Variants in UBE2E2 observed in about 807,000 individuals in gnomAD.
The protein encoded by UBE2E2 is ubiquitin-conjugating enzyme E2 E2.
In UBE2E2, 6 loss-of-function variants were observed where a neutral mutation model predicts 24.7. The observed-to-expected ratio is 0.24, with a 90% CI of 0.13 to 0.48. The LOEUF (loss-of-function observed/expected upper bound fraction) is 0.48, where lower values mean the gene tolerates loss of function less well. UBE2E2 is among the 20% of genes least tolerant of loss of function. The pLI is 0.99. For synonymous variants in UBE2E2, 104 were observed against 83.6 expected (o/e 1.24, Z -1.33); for missense variants, 169 against 245.0 (o/e 0.69, Z 2.07).
At chr3:23,416,066 A>G (rs1222903056) in intron 3 of UBE2E2, among the ~76,000 whole-genome samples, 1 of 152,204 alleles carries the variant, frequency 6.6e-6, no homozygotes, top group Non-Finnish European at 1.5e-5. Flanking sequence ...CCTACAAAGG[A>G]CGTGAACTCA....
chr3:23,430,638 C>T (rs1487021953), intron 3 of UBE2E2, among the ~76,000 whole-genome samples: 1 of 151,932 alleles, frequency 6.6e-6, no homozygotes, highest in Non-Finnish European at 1.5e-5. Context: ...CCTGTCTTAT[C>T]CTCCTGAGTA....
intron 3 of UBE2E2, among the ~76,000 whole-genome samples, chr3:23,263,772 A>G (rs1017660114): frequency 6.6e-6 from 1 of 152,282 alleles, no homozygotes; most frequent in African/African-American, 2.4e-5. Flanking sequence ...ACTTCATACT[A>G]TTTTTATAGA....
chr3:23,549,289 C>T (rs1695588817), intron 5 of UBE2E2, among the ~76,000 whole-genome samples: 1 of 152,182 alleles, frequency 6.6e-6, no homozygotes, highest in South Asian at 2.1e-4. Context: ...TAAGCTGTTG[C>T]CCTGATCTCT....
intron 5 of UBE2E2, among the ~76,000 whole-genome samples, chr3:23,588,736 G>A (rs1696688980): frequency 6.6e-6 from 1 of 151,974 alleles, no homozygotes; most frequent in South Asian, 2.1e-4. Context: ...CTCCACGTTG[G>A]GCAAGAGACT....
At chr3:23,319,216 A>C (rs1408008412) in intron 3 of UBE2E2, among the ~76,000 whole-genome samples, 2 of 152,236 alleles carry the variant, frequency 1.3e-5, no homozygotes, top group African/African-American at 4.8e-5. Flanking sequence ...AATTTTATAA[A>C]ATAAACAGGA....
rs577096984 is a variant in UBE2E2 at position 23,377,688 on chromosome 3, G to A, written c.228-121920G>A. Among the ~76,000 whole-genome samples the A allele has an allele frequency of 5.3e-5, 8 of 152,298 alleles. No homozygotes were observed. In the East Asian group the frequency reaches 1.3e-3, roughly 26 times the overall value. ...AAGAATTTCCCTGTTCTCCTTAAGG[G>A]CTGGGTGACTTTCAGCAAGTTACTT... On this transcript the variant is annotated intron_variant, in intron 3 of 5. Transcript: ENST00000396703.
intron 3 of UBE2E2, among the ~76,000 whole-genome samples, chr3:23,365,817 CA>C (rs1046339705): frequency 2.3e-4 from 35 of 152,064 alleles, no homozygotes; most frequent in African/African-American, 8.2e-4. Flanking sequence ...CAGTCCTAAG[CA>C]AAAAGAACAA....
intron 5 of UBE2E2, among the ~76,000 whole-genome samples, chr3:23,538,049 T>C (rs1431227098): frequency 6.6e-6 from 1 of 152,146 alleles, no homozygotes; most frequent in Non-Finnish European, 1.5e-5. Flanking sequence ...TTTCTTTAAC[T>C]GAAATTCAGG....
intron 3 of UBE2E2, among the ~76,000 whole-genome samples, chr3:23,279,535 A>T (rs1221381019): frequency 6.6e-6 from 1 of 152,220 alleles, no homozygotes; most frequent in East Asian, 1.9e-4. Context: ...GGGTTTTAAC[A>T]TTAAAATGAG....
At chr3:23,313,284 G>A (rs1694463149) in intron 3 of UBE2E2, among the ~76,000 whole-genome samples, 1 of 149,984 alleles carries the variant, frequency 6.7e-6, no homozygotes, top group Non-Finnish European at 1.5e-5. Flanking sequence ...CTGTTTTTTG[G>A]TTTCCATTTG....
chr3:23,294,397 G>C (rs1258489103), intron 3 of UBE2E2, among the ~76,000 whole-genome samples: 1 of 151,890 alleles, frequency 6.6e-6, no homozygotes, highest in Non-Finnish European at 1.5e-5. Context: ...TAGTTTTCTT[G>C]CTGGGAAAAC....
chr3:23,506,007 T>C (rs1276488628), intron 4 of UBE2E2, among the ~76,000 whole-genome samples: 3 of 152,172 alleles, frequency 2.0e-5, no homozygotes, highest in African/African-American at 7.2e-5. Flanking sequence ...ACTGCACCCT[T>C]ACTCTAGATT....
intron 3 of UBE2E2, among the ~76,000 whole-genome samples, chr3:23,220,705 C>T (rs758848432): frequency 1.3e-5 from 2 of 152,150 alleles, no homozygotes; most frequent in East Asian, 1.9e-4. Flanking sequence ...TAGAATTGCT[C>T]GTTACCTTGG....
chr3:23,493,138 C>T (rs948463852), intron 3 of UBE2E2, among the ~76,000 whole-genome samples: 9 of 152,134 alleles, frequency 5.9e-5, no homozygotes, highest in African/African-American at 1.9e-4. Flanking sequence ...GGCATCCTTC[C>T]TCTTTACCTG....
intron 3 of UBE2E2, among the ~76,000 whole-genome samples, chr3:23,258,183 C>A (rs770747168): frequency 2.0e-5 from 3 of 152,074 alleles, no homozygotes; most frequent in Non-Finnish European, 4.4e-5. Flanking sequence ...AAGGTAAGAT[C>A]AAGAATTTAC....
intron 3 of UBE2E2, among the ~76,000 whole-genome samples, chr3:23,220,617 A>T (rs1413790720): frequency 6.6e-6 from 1 of 152,206 alleles, no homozygotes; most frequent in East Asian, 1.9e-4. Flanking sequence ...CAAGGGTTCT[A>T]TCCTGAGGCC....
intron 3 of UBE2E2, among the ~76,000 whole-genome samples, chr3:23,348,995 C>A (rs1031960035): frequency 6.6e-6 from 1 of 152,126 alleles, no homozygotes; most frequent in Non-Finnish European, 1.5e-5. Context: ...TGACCACCCC[C>A]CCACCACCTC....
At chr3:23,437,142 T>G (rs1017633996) in intron 3 of UBE2E2, among the ~76,000 whole-genome samples, 29 of 152,208 alleles carry the variant, frequency 1.9e-4, no homozygotes, top group Non-Finnish European at 2.9e-5. Flanking sequence ...ACGTTGGCCT[T>G]CCTTCCACTT....
chr3:23,362,674 C>G (rs1338729639), intron 3 of UBE2E2, among the ~76,000 whole-genome samples: 1 of 152,164 alleles, frequency 6.6e-6, no homozygotes. Flanking sequence ...GCTAGAGTTT[C>G]TGGCTCAGTA....
Sources: allele counts gnomAD v4.1 joint callset (sites outside exome capture counted in the v4.1 genomes callset), GRCh38; gene constraint gnomAD v4.1.1; transcripts MANE v1.5; gene names NCBI Gene and HGNC (gene_info 2026-07-23, HGNC 2026-07-21).